Variants in SUN3 observed in about 807,000 individuals in gnomAD.
SUN3 encodes Sad1 and UNC84 domain containing 3.
SUN3 carries 36 observed loss-of-function variants against 48.2 expected under a neutral mutation model. That is an observed-to-expected ratio of 0.75 (90% CI 0.57 to 0.99). SUN3 has a LOEUF of 0.99. Ranked by LOEUF, SUN3 falls within the 50% of genes least tolerant of loss-of-function variation. SUN3 has a pLI of 0.00. For synonymous variants in SUN3, 148 were observed against 147.9 expected (o/e 1.00, Z 0.00); for missense variants, 419 against 433.1 (o/e 0.97, Z 0.29).
chr7:48,027,002 T>C (rs1488363933), intron 1 of SUN3, among the ~76,000 whole-genome samples: 1 of 152,174 alleles, frequency 6.6e-6, no homozygotes, highest in Non-Finnish European at 1.5e-5. Flanking sequence ...ATCAACCCTA[T>C]ACCTCCCACC....
At chr7:48,025,822 C>A in intron 2 of SUN3, 55 bp downstream of exon 2, 1 of 1,226,218 alleles carries the variant, frequency 8.2e-7, no homozygotes, top group Middle Eastern at 1.9e-4. Flanking sequence ...TCTCTCTCAC[C>A]AGGCAGACAT....
chr7:47,988,653 T>G, intron 9 of SUN3, 135 bp downstream of exon 9: 1 of 477,160 alleles, frequency 2.1e-6, no homozygotes, highest in Non-Finnish European at 3.7e-6. Flanking sequence ...GAGCTCAGAA[T>G]TGAAGATCAG....
intron 7 of SUN3, among the ~76,000 whole-genome samples, chr7:47,994,991 G>C (rs368771575): frequency 6.6e-6 from 1 of 152,134 alleles, no homozygotes; most frequent in Admixed American, 6.5e-5. Flanking sequence ...AGTGGTAGTG[G>C]TGATGGTGAT....
In SUN3 at chr7:48,024,031, C is replaced by T. The variant is rs936746000; in HGVS notation, c.184+1846G>A. Among the ~76,000 whole-genome samples, 3 of 152,160 alleles carry T rather than the reference C, an allele frequency of 2.0e-5. No homozygotes were observed. In the East Asian group the frequency reaches 5.8e-4, roughly 29 times the overall value. Reference sequence around the variant, plus strand: ...TAGCAAATATTACTTTGGCTTTCCACATGCCAAAAAATGAAGTTGGATCCC... The same window carrying T: ...TAGCAAATATTACTTTGGCTTTCCATATGCCAAAAAATGAAGTTGGATCCC... On this transcript the variant is annotated intron_variant, in intron 2 of 9. Transcript: ENST00000297325.
intron 2 of SUN3, among the ~76,000 whole-genome samples, chr7:48,022,630 G>A (rs1790031332): frequency 1.3e-5 from 2 of 151,672 alleles, no homozygotes; most frequent in Admixed American, 1.3e-4. Flanking sequence ...AAGTTCCAAA[G>A]TTGATAAAAA....
chr7:48,014,273 G>A (rs1465301192), intron 3 of SUN3, among the ~76,000 whole-genome samples: 2 of 152,316 alleles, frequency 1.3e-5, no homozygotes, highest in East Asian at 3.9e-4. Context: ...TTGCTGTTGA[G>A]TATGCTGGTT....
intron 7 of SUN3, among the ~76,000 whole-genome samples, chr7:47,995,758 TG>T (rs1202048545): frequency 3.9e-5 from 6 of 152,176 alleles, no homozygotes; most frequent in African/African-American, 1.4e-4. Flanking sequence ...AGAAAAGACA[TG>T]GAATGTATAT....
Position 48,001,531 on chromosome 7 carries a change from G to GTT in SUN3, c.577+4436_577+4437dup, listed in dbSNP as rs1166666161. On this transcript the variant is annotated intron_variant, in intron 6 of 9. Coordinates refer to ENST00000297325, the MANE Select transcript of SUN3 (RefSeq NM_001030019.2). The stretch of plus-strand genomic sequence containing the variant: ...GTTCCATGTCTTTTCTGTTTTTTTT[G>GTT]TTTTTTTTTTTTTTTTTTTTGAGAC... Among the ~76,000 whole-genome samples, 777 of 110,410 alleles carry GTT rather than the reference G, an allele frequency of 7.0e-3. 27 individuals are homozygous for GTT. Among genetic ancestry groups the GTT allele is most frequent in the African/African-American group, 0.027 (738 of 27,456 alleles). 72.4% of individuals were successfully genotyped at this position (110,410 alleles called of 152,430 possible). A position where few individuals can be genotyped will look rare whatever the true frequency, so the allele number is the denominator to read the frequency against.
In SUN3 at chr7:48,007,884, C is replaced by T. The variant is rs544837840; in HGVS notation, c.330-557G>A. ...TGTCCCCCAGGCTGGAGTGCAGTGGCGTGATCTCGGCTCACTGCAACCTCC... is the reference window on the plus strand; with the variant it reads ...TGTCCCCCAGGCTGGAGTGCAGTGGTGTGATCTCGGCTCACTGCAACCTCC... On this transcript the variant is annotated intron_variant, in intron 4 of 9. Coordinates refer to ENST00000297325, the MANE Select transcript of SUN3 (RefSeq NM_001030019.2). Among the ~76,000 whole-genome samples the T allele has an allele frequency of 1.4e-3, 215 of 150,026 alleles. 1 individual carries two copies. The highest frequency in any genetic ancestry group is 4.9e-3 in the African/African-American group (199 of 40,686).
upstream of SUN3, among the ~76,000 whole-genome samples, chr7:48,033,570 T>A (rs980426085): frequency 1.8e-4 from 27 of 151,774 alleles, no homozygotes; most frequent in Non-Finnish European, 2.8e-4. Context: ...TCAAAAAAAA[T>A]AAAATAAAAA....
At chr7:48,019,584 G>T (rs560998581) in intron 2 of SUN3, among the ~76,000 whole-genome samples, 2 of 152,010 alleles carry the variant, frequency 1.3e-5, no homozygotes, top group Admixed American at 1.3e-4. Flanking sequence ...AATGAAATTA[G>T]AAATAATAAA....
At chr7:48,032,710 A>G (rs900629924), upstream of SUN3, among the ~76,000 whole-genome samples, 1 of 152,262 alleles carries the variant, frequency 6.6e-6, no homozygotes, top group Admixed American at 6.5e-5. Context: ...ACTATGTTGT[A>G]TGTTCTAGAG....
chr7:47,991,223 C>G (rs1266767520), intron 8 of SUN3, among the ~76,000 whole-genome samples: 1 of 152,088 alleles, frequency 6.6e-6, no homozygotes, highest in Non-Finnish European at 1.5e-5. Flanking sequence ...GTCCTTTTAT[C>G]ACCTTGTTTT....
intron 8 of SUN3, among the ~76,000 whole-genome samples, chr7:47,989,981 A>G (rs1167058951): frequency 6.6e-6 from 1 of 152,198 alleles, no homozygotes; most frequent in East Asian, 1.9e-4. Flanking sequence ...GGCCGCAGGG[A>G]CCTCTGTCTA....
chr7:47,990,649 A>G (rs1789032493), intron 8 of SUN3, among the ~76,000 whole-genome samples: 3 of 151,974 alleles, frequency 2.0e-5, no homozygotes, highest in African/African-American at 7.3e-5. Flanking sequence ...ATATGTACAC[A>G]TGACTCAAGC....
intron 9 of SUN3, 57 bp from the exon 10 acceptor site, chr7:47,987,506 C>A: frequency 7.1e-7 from 1 of 1,412,772 alleles, no homozygotes. Flanking sequence ...TCAAAGAATC[C>A]CAATGAATAC....
chr7:48,011,354 T>C (rs1328180012), intron 3 of SUN3, among the ~76,000 whole-genome samples: 1 of 152,240 alleles, frequency 6.6e-6, no homozygotes, highest in Non-Finnish European at 1.5e-5. Flanking sequence ...TCTTGTGCGA[T>C]GTTATTCTGT....
intron 3 of SUN3, among the ~76,000 whole-genome samples, chr7:48,013,990 G>A (rs961988382): frequency 6.6e-6 from 1 of 152,164 alleles, no homozygotes; most frequent in Admixed American, 6.5e-5. Flanking sequence ...TTTTGAGACA[G>A]AGTCTTGCTT....
At chr7:48,016,371 T>C (rs373385211) in intron 3 of SUN3, among the ~76,000 whole-genome samples, 8 of 152,228 alleles carry the variant, frequency 5.3e-5, no homozygotes, top group Non-Finnish European at 7.3e-5. Context: ...TGAATTATTC[T>C]TTCTCCGTTG....
Sources: allele counts gnomAD v4.1 joint callset (sites outside exome capture counted in the v4.1 genomes callset), GRCh38; gene constraint gnomAD v4.1.1; transcripts MANE v1.5; gene names NCBI Gene and HGNC (gene_info 2026-07-23, HGNC 2026-07-21).